NOTCH3: variants seen among roughly 807,000 people sequenced by gnomAD.
NOTCH3 encodes the protein neurogenic locus notch homolog protein 3.
NOTCH3 carries 86 observed loss-of-function variants against 213.3 expected under a neutral mutation model. That is an observed-to-expected ratio of 0.40 (90% CI 0.34 to 0.48). NOTCH3 has a LOEUF of 0.48. Ranked by LOEUF, NOTCH3 falls within the 20% of genes least tolerant of loss-of-function variation. The probability of loss-of-function intolerance (pLI) is 0.57; values close to 1 mark genes in which losing one functional copy is unlikely to be tolerated. For missense variants in NOTCH3, 2,783 were observed against 3,272.6 expected (o/e 0.85, Z 3.65); for synonymous variants, 1,354 against 1,355.9 (o/e 1.00, Z 0.03).
chr19:15,178,216 G>A, intron 23 of NOTCH3, 126 bp from the exon 24 acceptor site: 1 of 619,220 alleles, frequency 1.6e-6, no homozygotes, highest in Non-Finnish European at 2.7e-6. Flanking sequence ...AAGAGGTCAA[G>A]ACTAAGGAAG....
Position 15,170,610 on chromosome 19 carries a change from G to A in NOTCH3, c.4892-57C>T, listed in dbSNP as rs555661948. The A allele has an allele frequency of 2.6e-5, 41 of 1,566,914 alleles. 1 individual carries two copies. In the South Asian group the frequency reaches 4.5e-4, roughly 17 times the overall value. On this transcript the variant is annotated intron_variant, in intron 26 of 32. Transcript: ENST00000263388. Reference sequence around the variant, plus strand: ...GCCGAGGGCGGGGCTTTGGCCTCAGGCGGGGCTTCGGCCGCCCCCAGCTCC... The same window carrying A: ...GCCGAGGGCGGGGCTTTGGCCTCAGACGGGGCTTCGGCCGCCCCCAGCTCC...
chr19:15,192,252 G>A lies in NOTCH3; in HGVS notation c.387C>T (p.Ala129=). 1 of 1,602,406 alleles carries A rather than the reference G, an allele frequency of 6.2e-7. No homozygotes were observed. The highest frequency in any genetic ancestry group is 8.5e-7 in the Non-Finnish European group (1 of 1,175,020). The change falls in exon 4 of 33, where the codon GCC becomes GCT. Residue 129 remains alanine (A), a synonymous_variant. Coordinates refer to ENST00000263388, the MANE Select transcript of NOTCH3 (RefSeq NM_000435.3). ...GCCCCACTGAGCAGCGGGCACCGTG[G>A]GCACAAGGGCTGCTGAGGCAGGGAT... The part of the protein sequence containing the change: ...LPDPCLSSPC[A]HGARCSVGPD...
chr19:15,197,441 G>GGCCCC, intron 2 of NOTCH3, 59 bp downstream of exon 2: 6 of 768,356 alleles, frequency 7.8e-6, no homozygotes, highest in African/African-American at 1.7e-5. Flanking sequence ...AAGACAAATC[G>GGCCCC]CCCCTCCCCC....
chr19:15,177,160 T>A (rs10426140), intron 24 of NOTCH3, among the ~76,000 whole-genome samples: 12,897 of 129,698 alleles, frequency 0.099, 1,449 homozygotes, highest in African/African-American at 0.3. Flanking sequence ...GAGGCAGGAG[T>A]ACTGCTTAAA....
intron 1 of NOTCH3, among the ~76,000 whole-genome samples, chr19:15,200,429 C>T (rs1297997940): frequency 2.0e-5 from 3 of 151,842 alleles, no homozygotes; most frequent in South Asian, 2.1e-4. Flanking sequence ...TACCTGGGCC[C>T]CCAATCATAA....
At chr19:15,186,843 C>T in intron 12 of NOTCH3, 35 bp downstream of exon 12, 2 of 1,551,026 alleles carry the variant, frequency 1.3e-6, no homozygotes, top group Non-Finnish European at 1.8e-6. Context: ...CACCCTCGAT[C>T]TAAGGACCCC....
intron 1 of NOTCH3, among the ~76,000 whole-genome samples, chr19:15,199,176 T>C (rs2046992033): frequency 6.6e-6 from 1 of 151,922 alleles, no homozygotes; most frequent in East Asian, 1.9e-4. Context: ...TGTGTCTGTA[T>C]GTGGATTTGG....
intron 21 of NOTCH3, 30 bp from the exon 22 acceptor site, chr19:15,179,312 G>A: frequency 6.2e-7 from 1 of 1,611,220 alleles, no homozygotes; most frequent in South Asian, 1.1e-5. Context: ...GTGGTCAAGA[G>A]GGAATGAAGA....
At chr19:15,199,012 C>T (rs1040872353) in intron 1 of NOTCH3, among the ~76,000 whole-genome samples, 4 of 152,184 alleles carry the variant, frequency 2.6e-5, no homozygotes, top group African/African-American at 9.7e-5. Context: ...ATAGTATATG[C>T]CCCTTCCTCA....
At chr19:15,188,568 T>C (rs879825630) in intron 8 of NOTCH3, among the ~76,000 whole-genome samples, 8 of 152,052 alleles carry the variant, frequency 5.3e-5, no homozygotes, top group African/African-American at 1.9e-4. Flanking sequence ...GCAGAGGCCT[T>C]GCCTTCAAAC....
rs1174625611 is a variant in NOTCH3, at chr19:15,192,218, G to T, written c.421C>A (p.Arg141Ser). The T allele has an allele frequency of 1.9e-6, 3 of 1,609,072 alleles. No individual in the cohort carries two copies. The highest frequency in any genetic ancestry group is 2.5e-6 in the Non-Finnish European group (3 of 1,178,414). ...GARCSVGPDG[R>S]FLCSCPPGYQ... ...CCAGGTGGGCAGGAGCAGAGGAAGC[G>T]TCCATCGGGCCCCACTGAGCAGCGG... The change falls in exon 4 of 33, where the codon CGC (arginine) becomes AGC (serine). Residue 141 changes from arginine (R) to serine (S), a missense_variant. Transcript: ENST00000263388.
intron 2 of NOTCH3, among the ~76,000 whole-genome samples, chr19:15,196,590 C>T (rs749258226): frequency 6.6e-6 from 1 of 152,158 alleles, no homozygotes; most frequent in African/African-American, 2.4e-5. Context: ...GCGTGAACTG[C>T]TGTTATTAAT....
At position 15,185,304 on chromosome 19, in the gene NOTCH3, C is replaced by T. The variant is rs370975434; in HGVS notation, c.2249G>A (p.Ser750Asn). 1.9e-6 allele frequency: 3 copies of T among 1,612,316 alleles called. No individual in the cohort carries two copies. ...GCAGTGGAAACCCATTCCATCGCTG[C>T]TGCATGTCCCACCGGCCCTGCACGG... ...SQPCRAGGTC[S>N]SDGMGFHCTC... Residue 750 changes from serine (S) to asparagine (N), a missense_variant, in exon 14 of 33, where the codon AGC becomes AAC. By Grantham distance (46) the Ser-to-Asn change is conservative. Coordinates refer to ENST00000263388, the MANE Select transcript of NOTCH3 (RefSeq NM_000435.3). This position sits in a 1 kb window ranked among gnomAD's most constrained non-coding sequence, Gnocchi z 4.2.
At position 15,185,228 on chromosome 19, in the gene NOTCH3, G is replaced by A; in HGVS notation, c.2296+29C>T. The A allele has an allele frequency of 1.2e-6, 2 of 1,612,228 alleles. No homozygotes were observed. The highest frequency in any genetic ancestry group is 1.7e-6 in the Non-Finnish European group (2 of 1,179,334). ...GATGAGAAGGCCCATGGTGTTGGTGGGGCTGCAGAGGGAAGGTGAGGTACA... is the reference window on the plus strand; with the variant it reads ...GATGAGAAGGCCCATGGTGTTGGTGAGGCTGCAGAGGGAAGGTGAGGTACA... On this transcript the variant is annotated intron_variant, in intron 14 of 32. Transcript: ENST00000263388. The surrounding 1 kb of genome is among the most constrained non-coding windows in gnomAD (Gnocchi z 4.2).
chr19:15,197,457 C>CCCA, intron 2 of NOTCH3, 43 bp downstream of exon 2: 1 of 1,204,326 alleles, frequency 8.3e-7, no homozygotes, highest in Non-Finnish European at 1.2e-6. Flanking sequence ...CCCCCCCGCC[C>CCCA]CCACACACAG....
At chr19:15,196,722 T>C (rs1489620371) in intron 2 of NOTCH3, among the ~76,000 whole-genome samples, 1 of 152,206 alleles carries the variant, frequency 6.6e-6, no homozygotes, top group Non-Finnish European at 1.5e-5. Context: ...ACATACTATA[T>C]TCTGAGCACT....
intron 25 of NOTCH3, 26 bp downstream of exon 25, chr19:15,174,042 C>T (rs1334409831): frequency 6.5e-7 from 1 of 1,532,442 alleles, no homozygotes. Context: ...CCAGCCACCA[C>T]GGCTTTTCCA....
intron 1 of NOTCH3, among the ~76,000 whole-genome samples, chr19:15,199,457 G>A (rs1401784215): frequency 6.6e-6 from 1 of 152,150 alleles, no homozygotes; most frequent in Admixed American, 6.5e-5. Context: ...TGTGAGCTGG[G>A]TGTAAGCATG....
chr19:15,184,311 G>T lies in NOTCH3; in HGVS notation c.2550C>A (p.Ile850=). The change falls in exon 16 of 33, where the codon ATC becomes ATA. Residue 850 remains isoleucine, a synonymous_variant. Transcript: ENST00000263388. ...GYTGPSCDQD[I]NDCDPNPCLN... ...TGCACTCACTGGGGTCACAGTCATT[G>T]ATGTCCTGATCGCAGGAAGGGCCAG... The T allele has an allele frequency of 9.3e-6, 15 of 1,613,974 alleles. No homozygotes were observed. The highest frequency in any genetic ancestry group is 1.3e-5 in the Non-Finnish European group (15 of 1,180,004).
Sources: gnomAD v4.1 joint callset for allele counts (sites outside exome capture counted in the v4.1 genomes callset) on GRCh38, gnomAD v4.1.1 for gene constraint, Gnocchi (gnomAD v3.1) non-coding constraint, MANE v1.5 for transcripts, NCBI Gene and HGNC (gene_info 2026-07-23, HGNC 2026-07-21) for gene names.